TNS1: variants seen among roughly 807,000 people sequenced by gnomAD.
The protein encoded by TNS1 is tensin 1.
In TNS1, 62 loss-of-function variants were observed where a neutral mutation model predicts 168.6. That is an observed-to-expected ratio of 0.37 (90% CI 0.30 to 0.45). TNS1 has a LOEUF of 0.45. Ranked by LOEUF, TNS1 falls within the 20% of genes least tolerant of loss-of-function variation. The probability of loss-of-function intolerance (pLI) is 1.00; values close to 1 mark genes in which losing one functional copy is unlikely to be tolerated. For missense variants in TNS1, 2,240 were observed against 2,339.4 expected (o/e 0.96, Z 0.88); for synonymous variants, 934 against 933.2 (o/e 1.00, Z -0.02).
At chr2:217,987,340 AC>A (rs1958222729) in intron 2 of TNS1, among the ~76,000 whole-genome samples, 1 of 152,016 alleles carries the variant, frequency 6.6e-6, no homozygotes, top group African/African-American at 2.4e-5. Context: ...GTCCGGAGGA[AC>A]CCCTTTGCCT....
intron 6 of TNS1, among the ~76,000 whole-genome samples, 189 bp downstream of exon 6, chr2:217,906,146 A>AGATG (rs1953666183): frequency 6.6e-6 from 1 of 152,210 alleles, no homozygotes; most frequent in African/African-American, 2.4e-5. Flanking sequence ...GATCTCGCTT[A>AGATG]GATGGAGGCA....
intron 1 of TNS1, among the ~76,000 whole-genome samples, chr2:217,998,030 A>G (rs1958501551): frequency 6.6e-6 from 1 of 152,222 alleles, no homozygotes; most frequent in Non-Finnish European, 1.5e-5. Flanking sequence ...TTACAAGCCA[A>G]GACACCAGGT....
chr2:217,837,062 T>C (rs1375605755), intron 19 of TNS1, among the ~76,000 whole-genome samples: 1 of 152,120 alleles, frequency 6.6e-6, no homozygotes, highest in Admixed American at 6.5e-5. Context: ...CCCAGAATCC[T>C]AGAAAACTCA....
rs988484517 is a variant in TNS1 at position 218,033,083 on chromosome 2, A to T, written c.156+737T>A. On this transcript the variant is annotated intron_variant, in intron 1 of 1. Coordinates refer to the TNS1 transcript ENST00000649572. The surrounding 1 kb of genome is among the most constrained non-coding windows in gnomAD (Gnocchi z 4.3). Reference sequence around the variant, plus strand: ...CTGTGTGGGAGGTGGGGAGGCAGGGACACAGGGTGAAGAAAGAAGACCCAC... The same window carrying T: ...CTGTGTGGGAGGTGGGGAGGCAGGGTCACAGGGTGAAGAAAGAAGACCCAC... 4.6e-5 allele frequency among the ~76,000 whole-genome samples: 7 copies of T among 152,234 alleles called. No individual in the cohort carries two copies. The highest frequency in any genetic ancestry group is 1.7e-4 in the African/African-American group (7 of 41,538).
chr2:217,990,565 C>G (rs1958339581), intron 2 of TNS1, among the ~76,000 whole-genome samples: 1 of 152,104 alleles, frequency 6.6e-6, no homozygotes, highest in Non-Finnish European at 1.5e-5. Context: ...CACACACCAG[C>G]CACATGCCAT....
rs996971515 is a variant in TNS1 at position 217,852,729 on chromosome 2, C to T, written c.1430-3642G>A. 2.6e-5 allele frequency among the ~76,000 whole-genome samples: 4 copies of T among 152,302 alleles called. No individual in the cohort carries two copies. In the East Asian group the frequency reaches 7.7e-4, roughly 29 times the overall value. On this transcript the variant is annotated intron_variant, in intron 18 of 32. Transcript: ENST00000682258. ...AACTTGTTCTGTCATGTAATCTATC[C>T]CCAAGTGGGCTCCTGTTTGCAGCAA...
intron 3 of TNS1, among the ~76,000 whole-genome samples, chr2:217,960,218 C>A (rs1957463754): frequency 6.6e-6 from 1 of 152,172 alleles, no homozygotes; most frequent in Non-Finnish European, 1.5e-5. Flanking sequence ...GTACCATTTA[C>A]AAAGCTCTTC....
chr2:217,950,560 C>T (rs943787647), intron 3 of TNS1, among the ~76,000 whole-genome samples: 1 of 150,930 alleles, frequency 6.6e-6, no homozygotes, highest in Non-Finnish European at 1.5e-5. Context: ...ACACTTGGCT[C>T]ACATGTGCTG....
intron 3 of TNS1, among the ~76,000 whole-genome samples, chr2:217,931,043 C>A (rs1003893467): frequency 1.3e-5 from 2 of 152,132 alleles, no homozygotes; most frequent in Admixed American, 6.5e-5. Flanking sequence ...TCAACAATGC[C>A]CACTGAGTGC....
At chr2:217,882,855 G>A (rs772845194) in intron 16 of TNS1, among the ~76,000 whole-genome samples, 1 of 152,152 alleles carries the variant, frequency 6.6e-6, no homozygotes, top group South Asian at 2.1e-4. Flanking sequence ...GAGTACAGTG[G>A]TGCGATCACA....
intron 6 of TNS1, among the ~76,000 whole-genome samples, chr2:217,904,683 C>T (rs1022693936): frequency 5.4e-4 from 82 of 152,326 alleles, no homozygotes; most frequent in African/African-American, 1.6e-3. Flanking sequence ...CACAACTAAA[C>T]GGCCACCTCT....
chr2:218,010,169 G>A, exon 1 of TNS1: 1 of 399,192 alleles, frequency 2.5e-6, no homozygotes, highest in Non-Finnish European at 4.4e-6. Context: ...GGATCACGCA[G>A]GAGAAGCACC....
intron 3 of TNS1, among the ~76,000 whole-genome samples, chr2:217,936,160 G>C (rs975861049): frequency 1.3e-5 from 2 of 152,154 alleles, no homozygotes; most frequent in African/African-American, 2.4e-5. Context: ...GAGCAATCAG[G>C]CTCCTCCACC....
At chr2:217,859,616 G>C (rs968423427) in intron 18 of TNS1, 1 of 1,534,504 alleles carries the variant, frequency 6.5e-7, no homozygotes, top group African/African-American at 1.4e-5. Context: ...GGGAAGGCCA[G>C]TGTGTGTCTG....
chr2:217,996,226 G>A (rs1160746079), intron 1 of TNS1, among the ~76,000 whole-genome samples: 1 of 152,212 alleles, frequency 6.6e-6, no homozygotes, highest in East Asian at 1.9e-4. Flanking sequence ...GATGTGGGGA[G>A]AGGGCCAGAG....
exon 1 of TNS1, chr2:218,010,398 C>A (rs991590248): frequency 1.0e-5 from 4 of 388,370 alleles, no homozygotes; most frequent in African/African-American, 8.3e-5. Context: ...GCGGGAGGCC[C>A]GCGGCGCGGC....
At chr2:217,985,395 C>T (rs1958170631) in intron 2 of TNS1, 1 of 151,824 alleles carries the variant, frequency 6.6e-6, no homozygotes, top group South Asian at 2.1e-4. Context: ...TGCTGTTTGT[C>T]CCATTTATTT....
chr2:217,926,867 C>T (rs1956054980), intron 3 of TNS1, among the ~76,000 whole-genome samples: 4 of 152,224 alleles, frequency 2.6e-5, no homozygotes, highest in Admixed American at 2.6e-4. Flanking sequence ...CCCAGGTCTG[C>T]TGGATTCAAA....
intron 8 of TNS1, among the ~76,000 whole-genome samples, chr2:217,895,443 G>A (rs1390587072): frequency 2.6e-5 from 4 of 152,204 alleles, no homozygotes; most frequent in South Asian, 4.1e-4. Flanking sequence ...CGGATGTCCC[G>A]AATGGAAGAC....
Sources: allele counts gnomAD v4.1 joint callset (sites outside exome capture counted in the v4.1 genomes callset), GRCh38; gene constraint gnomAD v4.1.1; non-coding constraint Gnocchi (gnomAD v3.1); transcripts MANE v1.5; gene names NCBI Gene and HGNC (gene_info 2026-07-23, HGNC 2026-07-21).